The following FAIM variants were observed in gnomAD, a reference collection of about 807,000 sequenced individuals.
FAIM encodes fas apoptotic inhibitory molecule 1.
In FAIM, 14 loss-of-function variants were observed where a neutral mutation model predicts 21.2. The observed-to-expected ratio is 0.66, with a 90% CI of 0.44 to 1.03. The LOEUF (loss-of-function observed/expected upper bound fraction) is 1.03. FAIM is among the 50% of genes least tolerant of loss of function. The pLI is 0.00. For synonymous variants in FAIM, 86 were observed against 80.4 expected (o/e 1.07, Z -0.37); for missense variants, 222 against 247.1 (o/e 0.90, Z 0.68).
In FAIM at chr3:138,619,739, G is replaced by A. The variant is rs145680493; in HGVS notation, c.13G>A (p.Asp5Asn). Residue 5 changes from aspartate to asparagine, a missense_variant, in exon 2 of 6, where the codon GAT (aspartate) becomes AAT (asparagine). By Grantham distance (23) the Asp-to-Asn change is conservative. Coordinates refer to ENST00000360570, the MANE Select transcript of FAIM (RefSeq NM_001033031.2). MASG[D>N]DSPIFEDDES... ...GTTTTTGCCAACCATGGCATCTGGA[G>A]ATGACAGTCCTATCTTTGAAGATGA... The A allele has an allele frequency of 6.8e-6, 11 of 1,613,580 alleles. No homozygotes were observed. The African/African-American group carries it at 1.3e-4, about 20-fold the overall frequency.
intron 1 of FAIM, among the ~76,000 whole-genome samples, chr3:138,610,164 G>A (rs2042752389): frequency 2.0e-5 from 3 of 152,192 alleles, no homozygotes; most frequent in Admixed American, 2.0e-4. Context: ...TTTTTAAACT[G>A]ACTTCGGTTT....
chr3:138,619,648 G>A (rs2042863378), intron 1 of FAIM, 63 bp from the exon 2 acceptor site: 4 of 1,459,848 alleles, frequency 2.7e-6, no homozygotes, highest in African/African-American at 1.4e-5. Flanking sequence ...CATCATTGTT[G>A]CTTTCAATCT....
intron 1 of FAIM, among the ~76,000 whole-genome samples, chr3:138,613,945 A>G (rs2042799205): frequency 6.6e-6 from 1 of 152,186 alleles, no homozygotes; most frequent in African/African-American, 2.4e-5. Context: ...CATTTAGATC[A>G]TTGAGATAAC....
chr3:138,613,318 C>T (rs1439130509), intron 1 of FAIM, among the ~76,000 whole-genome samples: 1 of 151,922 alleles, frequency 6.6e-6, no homozygotes, highest in Non-Finnish European at 1.5e-5. Flanking sequence ...CTGCGCCCGG[C>T]CCCTTTCCCA....
chr3:138,628,627 G>A (rs2042967121), intron 4 of FAIM, among the ~76,000 whole-genome samples: 1 of 151,998 alleles, frequency 6.6e-6, no homozygotes, highest in Non-Finnish European at 1.5e-5. Flanking sequence ...TGGGACTACA[G>A]GCACCCACCA....
In FAIM at chr3:138,621,602, T is replaced by C. The variant is rs193094887; in HGVS notation, c.177+63T>C. 101 of 1,484,472 alleles carry C rather than the reference T, an allele frequency of 6.8e-5. No homozygotes were observed. In the African/African-American group the frequency reaches 1.0e-3, roughly 15 times the overall value. 92.0% of individuals were successfully genotyped at this position (1,484,472 alleles called of 1,614,324 possible). A position where few individuals can be genotyped will look rare whatever the true frequency, so the allele number is the denominator to read the frequency against. On this transcript the variant is annotated intron_variant, in intron 3 of 5. Coordinates refer to ENST00000360570, the MANE Select transcript of FAIM (RefSeq NM_001033031.2). The stretch of plus-strand genomic sequence containing the variant: ...ATAGAGAAACTTGATTTTGTTAAAG[T>C]AGCATCTTCATATGTGAATTCAGGG...
At chr3:138,618,487 C>G (rs2042851574) in intron 1 of FAIM, among the ~76,000 whole-genome samples, 1 of 151,820 alleles carries the variant, frequency 6.6e-6, no homozygotes, top group Non-Finnish European at 1.5e-5. Context: ...ACCAACATGG[C>G]AAAACCCCAT....
chr3:138,631,429 G>T (rs1321459410), intron 5 of FAIM, among the ~76,000 whole-genome samples: 1 of 152,202 alleles, frequency 6.6e-6, no homozygotes, highest in Non-Finnish European at 1.5e-5. Flanking sequence ...CATACACAAG[G>T]AATGTTGTTG....
intron 1 of FAIM, among the ~76,000 whole-genome samples, chr3:138,613,699 G>A (rs1207127734): frequency 6.6e-6 from 1 of 151,996 alleles, no homozygotes; most frequent in Non-Finnish European, 1.5e-5. Context: ...TGCCCAGGCT[G>A]GTCTTGAACT....
intron 4 of FAIM, among the ~76,000 whole-genome samples, chr3:138,626,959 T>C (rs1290733601): frequency 6.6e-6 from 1 of 152,120 alleles, no homozygotes; most frequent in Non-Finnish European, 1.5e-5. Context: ...TAGTTTTAAG[T>C]TTCTTTTGTA....
chr3:138,625,918 G>A (rs2042933924), intron 4 of FAIM, among the ~76,000 whole-genome samples: 1 of 152,060 alleles, frequency 6.6e-6, no homozygotes, highest in Non-Finnish European at 1.5e-5. Context: ...GCATATAAGG[G>A]CAATGAAAAC....
intron 5 of FAIM, chr3:138,630,016 G>A (rs2042988377): frequency 6.6e-6 from 1 of 152,172 alleles, no homozygotes; most frequent in African/African-American, 2.4e-5. Context: ...TCACTGGGTG[G>A]TAATCCCCAT....
chr3:138,621,606 A>C, intron 3 of FAIM, 67 bp downstream of exon 3: 1 of 1,455,174 alleles, frequency 6.9e-7, no homozygotes, highest in Non-Finnish European at 9.4e-7. Context: ...TTAAAGTAGC[A>C]TCTTCATATG....
intron 5 of FAIM, among the ~76,000 whole-genome samples, chr3:138,632,197 A>G (rs2043012993): frequency 6.6e-6 from 1 of 150,990 alleles, no homozygotes; most frequent in Admixed American, 6.7e-5. Flanking sequence ...TCTAGTATCC[A>G]TATTTGAAAA....
chr3:138,622,442 C>T, intron 4 of FAIM, 26 bp downstream of exon 4: 4 of 1,103,056 alleles, frequency 3.6e-6, no homozygotes, highest in Non-Finnish European at 5.1e-6. Flanking sequence ...TTCCGCAGAA[C>T]TTTTTTTTTT....
intron 5 of FAIM, among the ~76,000 whole-genome samples, chr3:138,632,053 T>TA (rs553799820): frequency 5.3e-4 from 80 of 152,140 alleles, no homozygotes; most frequent in Non-Finnish European, 9.7e-4. Flanking sequence ...ATCTTTTTTT[T>TA]ATCCTCTAAG....
At chr3:138,621,569 T>C in intron 3 of FAIM, 30 bp downstream of exon 3, 2 of 1,597,500 alleles carry the variant, frequency 1.3e-6, no homozygotes, top group Non-Finnish European at 1.7e-6. Flanking sequence ...CTTTGTAAAA[T>C]ATGATATATA....
chr3:138,630,278 G>A (rs2042991171), intron 5 of FAIM: 2 of 152,122 alleles, frequency 1.3e-5, no homozygotes, highest in South Asian at 4.2e-4. Flanking sequence ...AACCTACTTG[G>A]TCTGATAGCT....
intron 4 of FAIM, among the ~76,000 whole-genome samples, chr3:138,628,523 T>A (rs192262229): frequency 2.6e-5 from 4 of 151,928 alleles, no homozygotes; most frequent in Admixed American, 2.0e-4. Context: ...CTTTCTCTGT[T>A]GCCCAGGCTA....
Sources: allele counts gnomAD v4.1 joint callset (sites outside exome capture counted in the v4.1 genomes callset), GRCh38; gene constraint gnomAD v4.1.1; transcripts MANE v1.5; gene names NCBI Gene and HGNC (gene_info 2026-07-23, HGNC 2026-07-21).